The following TBCD variants were observed in gnomAD, a reference collection of about 807,000 sequenced individuals.
TBCD encodes the protein tubulin-specific chaperone D.
In TBCD, 105 loss-of-function variants were observed where a neutral mutation model predicts 169.3. The observed-to-expected ratio is 0.62, with a 90% CI of 0.53 to 0.73. TBCD has a LOEUF of 0.73. TBCD is among the 30% of genes least tolerant of loss of function. TBCD has a pLI of 0.00. For synonymous variants in TBCD, 700 were observed against 643.9 expected, an observed-to-expected ratio of 1.09 and a Z score of -1.32; for missense variants, 1,444 against 1,600.1, an observed-to-expected ratio of 0.90 and a Z score of 1.66.
intron 13 of TBCD, among the ~76,000 whole-genome samples, chr17:82,840,801 C>T (rs1275603924): frequency 2.0e-5 from 3 of 152,102 alleles, no homozygotes; most frequent in African/African-American, 4.8e-5. Flanking sequence ...GGCCGCACCC[C>T]AGTTGTAGCG....
At chr17:82,850,038 G>T (rs2055564750) in intron 13 of TBCD, among the ~76,000 whole-genome samples, 1 of 106,152 alleles carries the variant, frequency 9.4e-6, no homozygotes, top group Non-Finnish European at 2.0e-5. Context: ...CTGTGCTGTT[G>T]TTGGCTGTGC....
intron 13 of TBCD, chr17:82,859,467 T>C (rs1221813177): frequency 2.3e-6 from 2 of 857,094 alleles, no homozygotes; most frequent in Non-Finnish European, 2.8e-6. Context: ...GCCTGCCAGC[T>C]CTGTGTCCTC....
chr17:82,938,476 C>CT (rs1462795086), intron 36 of TBCD, among the ~76,000 whole-genome samples: 1 of 152,212 alleles, frequency 6.6e-6, no homozygotes, highest in Non-Finnish European at 1.5e-5. Context: ...CACTCCCCGG[C>CT]TATTAGATTT....
intron 9 of TBCD, among the ~76,000 whole-genome samples, chr17:82,805,016 C>T (rs1401835599): frequency 1.3e-5 from 2 of 152,238 alleles, no homozygotes; most frequent in Non-Finnish European, 2.9e-5. Context: ...AGCAGCTGCC[C>T]TGAACTCTCA....
intron 20 of TBCD, among the ~76,000 whole-genome samples, chr17:82,907,053 A>G (rs570038239): frequency 6.6e-6 from 1 of 152,368 alleles, no homozygotes; most frequent in Non-Finnish European, 1.5e-5. Flanking sequence ...CTCAGTGCCC[A>G]GGCTAGACTG....
intron 28 of TBCD, chr17:82,926,940 G>T: frequency 1.7e-6 from 1 of 572,238 alleles, no homozygotes; most frequent in Non-Finnish European, 3.1e-6. Context: ...TGGGAAGTGG[G>T]AGGGACCAGC....
At chr17:82,902,010 C>T (rs1489988915) in intron 18 of TBCD, among the ~76,000 whole-genome samples, 2 of 152,140 alleles carry the variant, frequency 1.3e-5, no homozygotes, top group Non-Finnish European at 2.9e-5. Flanking sequence ...TACATATGCC[C>T]GTGGCGTCGG....
At chr17:82,897,095 A>T (rs901578194) in intron 17 of TBCD, among the ~76,000 whole-genome samples, 1 of 152,156 alleles carries the variant, frequency 6.6e-6, no homozygotes, top group African/African-American at 2.4e-5. Flanking sequence ...CCTGTTGAGA[A>T]TTTGAGAATT....
intron 8 of TBCD, among the ~76,000 whole-genome samples, chr17:82,799,529 TG>T (rs1416108521): frequency 5.9e-5 from 9 of 152,042 alleles, no homozygotes; most frequent in Non-Finnish European, 2.9e-5. Flanking sequence ...ATGGAAAATT[TG>T]AAACATGTAT....
At chr17:82,771,047 C>CAA (rs36015818) in intron 5 of TBCD, among the ~76,000 whole-genome samples, 392 of 36,682 alleles carry the variant, frequency 0.011, no homozygotes, top group Middle Eastern at 0.015. Context: ...GACTCCGTCT[C>CAA]AAAAAAAAAA....
At chr17:82,896,733 GCCTTGCAGGTGTGAGCCACCACAC>G (rs554286705) in intron 17 of TBCD, among the ~76,000 whole-genome samples, 2 of 152,274 alleles carry the variant, frequency 1.3e-5, no homozygotes, top group South Asian at 4.1e-4. Flanking sequence ...CAAAATGCTG[GCCTTGCAGGTGTGAGCCACCACAC>G]CCTGCCTGTA....
chr17:82,834,551 A>T (rs2053801292), intron 13 of TBCD, among the ~76,000 whole-genome samples: 1 of 152,186 alleles, frequency 6.6e-6, no homozygotes, highest in African/African-American at 2.4e-5. Context: ...AAGGAACGCG[A>T]TCATGTCCTT....
At position 82,835,748 on chromosome 17, in the gene TBCD, C is replaced by T. The variant is rs2053915054; in HGVS notation, c.1318+20814C>T. On this transcript the variant is annotated intron_variant, in intron 13 of 38. Coordinates refer to ENST00000355528, the MANE Select transcript of TBCD (RefSeq NM_005993.5). The surrounding 1 kb of genome is among the most constrained non-coding windows in gnomAD (Gnocchi z 4.5). ...CTCATTTATTTATAATTCTTAAAAA[C>T]ACAACCACCCTTCCCCCTACAAACT... Among the ~76,000 whole-genome samples the T allele has an allele frequency of 6.6e-6, 1 of 152,180 alleles. No individual in the cohort carries two copies. The highest frequency in any genetic ancestry group is 2.1e-4 in the South Asian group (1 of 4,832).
At chr17:82,837,943 C>T (rs2054126696) in intron 13 of TBCD, among the ~76,000 whole-genome samples, 1 of 152,234 alleles carries the variant, frequency 6.6e-6, no homozygotes, top group Admixed American at 6.5e-5. Context: ...CAAACATGCT[C>T]AGGATCCAGC....
chr17:82,831,330 G>A lies in TBCD; in HGVS notation c.1318+16396G>A, dbSNP rs756774867. On this transcript the variant is annotated intron_variant, in intron 13 of 38. Coordinates refer to ENST00000355528, the MANE Select transcript of TBCD (RefSeq NM_005993.5). The surrounding 1 kb of genome is among the most constrained non-coding windows in gnomAD (Gnocchi z 4.6). The stretch of plus-strand genomic sequence containing the variant: ...CCTCAGGAATTGGACTTTCGAACTC[G>A]ACGTGTTTTCTGTTGGGGTCCGAAG... 11 of 1,614,024 alleles carry A rather than the reference G, an allele frequency of 6.8e-6. No homozygotes were observed. The highest frequency in any genetic ancestry group is 8.5e-6 in the Non-Finnish European group (10 of 1,180,032).
chr17:82,838,690 T>C, intron 13 of TBCD: 2 of 985,458 alleles, frequency 2.0e-6, no homozygotes, highest in African/African-American at 1.7e-5. Context: ...TTCGGTTCTT[T>C]AAAATGAAAG....
At position 82,830,074 on chromosome 17, in the gene TBCD, T is replaced by G. The variant is rs1598765731; in HGVS notation, c.1318+15140T>G. The G allele has an allele frequency of 4.4e-6, 7 of 1,606,524 alleles. No homozygotes were observed. In the Admixed American group the frequency reaches 5.0e-5, roughly 11 times the overall value. On this transcript the variant is annotated intron_variant, in intron 13 of 38. Transcript: ENST00000355528. ...ATGTGAAAGTGCCAGTTCAGAGGTG[T>G]TGTAGCTTGCCACCTTGGAAGGCGT...
intron 30 of TBCD, among the ~76,000 whole-genome samples, chr17:82,928,839 G>A (rs190786243): frequency 6.6e-5 from 10 of 152,082 alleles, no homozygotes; most frequent in East Asian, 5.8e-4. Context: ...TCATCAGCAC[G>A]CATGTAACAC....
Position 82,832,733 on chromosome 17 carries a change from G to A in TBCD, c.1318+17799G>A. 1 of 516,536 alleles carries A rather than the reference G, an allele frequency of 1.9e-6. No individual in the cohort carries two copies. The highest frequency in any genetic ancestry group is 1.9e-5 in the African/African-American group (1 of 52,262). 32.0% of individuals were successfully genotyped at this position (516,536 alleles called of 1,614,324 possible). On this transcript the variant is annotated intron_variant, in intron 13 of 38. Transcript: ENST00000355528. The surrounding 1 kb of genome is among the most constrained non-coding windows in gnomAD (Gnocchi z 4.9). ...ACAGTGCCACAGGATCCCTGAAGCA[G>A]AACCCCTGAAGGGCTGAAACTGCCT... is the stretch of plus-strand genomic sequence containing the variant.
Sources: allele counts gnomAD v4.1 joint callset (sites outside exome capture counted in the v4.1 genomes callset), GRCh38; gene constraint gnomAD v4.1.1; non-coding constraint Gnocchi (gnomAD v3.1); transcripts MANE v1.5; gene names NCBI Gene and HGNC (gene_info 2026-07-23, HGNC 2026-07-21).